EEF1D: variants seen among roughly 807,000 people sequenced by gnomAD.
The protein encoded by EEF1D is eukaryotic translation elongation factor 1 delta, also known as elongation factor 1-delta.
EEF1D carries 47 observed loss-of-function variants against 63.9 expected under a neutral mutation model. The ratio of observed to expected loss-of-function variants is 0.74; its 90% confidence interval spans 0.58 to 0.94. The LOEUF (loss-of-function observed/expected upper bound fraction) is 0.94. EEF1D is among the 40% of genes least tolerant of loss of function. The pLI, the probability that EEF1D is intolerant of heterozygous loss-of-function variation, is 0.00. For synonymous variants in EEF1D, 412 were observed against 386.1 expected, an observed-to-expected ratio of 1.07 and a Z score of -0.79; for missense variants, 907 against 899.0, an observed-to-expected ratio of 1.01 and a Z score of -0.11.
At chr8:143,588,252 C>T (rs1255480859) in intron 3 of EEF1D, among the ~76,000 whole-genome samples, 1 of 152,180 alleles carries the variant, frequency 6.6e-6, no homozygotes, top group African/African-American at 2.4e-5. Flanking sequence ...CAGAGTCCTT[C>T]CCTGACTCAG....
rs34365735 is a variant in EEF1D at position 143,589,678 on chromosome 8, T to C, written c.404A>G (p.Gln135Arg). The C allele has an allele frequency of 5.4e-3, 8,255 of 1,532,090 alleles. 362 individuals carry two copies. The African/African-American group carries it at 0.1, about 19-fold the overall frequency. 94.9% of individuals were successfully genotyped at this position (1,532,090 alleles called of 1,614,324 possible). The change falls in exon 3 of 10, where the codon CAG becomes CGG. Residue 135 changes from glutamine to arginine, a missense_variant. Transcript: ENST00000618139. ...GGCCAAGGCAGGAGGCCAGGCTGCCTGGGCAGCCACATCTGCCAGCTTCTG... is the reference window on the plus strand; with the variant it reads ...GGCCAAGGCAGGAGGCCAGGCTGCCCGGGCAGCCACATCTGCCAGCTTCTG... ...YRQKLADVAA[Q>R]AAWPPALAPW...
intron 2 of EEF1D, among the ~76,000 whole-genome samples, chr8:143,591,724 A>G (rs928324223): frequency 4.6e-5 from 7 of 152,226 alleles, no homozygotes; most frequent in Non-Finnish European, 1.0e-4. Context: ...GTCTGCACCC[A>G]GAGGGAGGCA....
rs1413089255 is a variant in EEF1D, at chr8:143,592,007, G to A, written c.-1+640C>T. ...CTAATGGCACCAACGAGGAACCGGG[G>A]CCCATGGGAGGCCACAGGGCCCATG... On this transcript the variant is annotated intron_variant, in intron 2 of 9. Transcript: ENST00000618139. 1.1e-5 allele frequency: 11 copies of A among 982,188 alleles called. No individual in the cohort carries two copies. The African/African-American group carries it at 1.7e-4, about 16-fold the overall frequency. 60.8% of individuals were successfully genotyped at this position (982,188 alleles called of 1,614,324 possible).
At chr8:143,580,432 G>T in intron 8 of EEF1D, 74 bp downstream of exon 8, 1 of 1,527,194 alleles carries the variant, frequency 6.5e-7, no homozygotes, top group Non-Finnish European at 9.0e-7. Flanking sequence ...GCAGGGGGAG[G>T]GTCACAGGCT....
chr8:143,595,771 T>C (rs7814045), intron 1 of EEF1D, among the ~76,000 whole-genome samples: 121,480 of 152,118 alleles, frequency 0.8, 50,321 homozygotes, highest in Non-Finnish European at 0.92. Flanking sequence ...GCGCAGCCCC[T>C]GTGCCTCCTG....
intron 2 of EEF1D, among the ~76,000 whole-genome samples, chr8:143,591,656 G>A (rs1333830060): frequency 3.3e-5 from 5 of 152,250 alleles, no homozygotes; most frequent in Non-Finnish European, 7.3e-5. Flanking sequence ...GTCTAGTGGA[G>A]CCTGAGGGCA....
At chr8:143,587,842 C>T (rs909845418) in intron 3 of EEF1D, among the ~76,000 whole-genome samples, 6 of 152,210 alleles carry the variant, frequency 3.9e-5, no homozygotes, top group Non-Finnish European at 5.9e-5. Flanking sequence ...ACTCTGTGGC[C>T]GGGGCCCAGA....
chr8:143,581,368 G>A (rs761929103), intron 5 of EEF1D, 40 bp from the exon 6 acceptor site: 1 of 1,564,650 alleles, frequency 6.4e-7, no homozygotes, highest in South Asian at 1.1e-5. Context: ...TGCCCAGCCT[G>A]CTCCTAGGGT....
chr8:143,594,034 T>C (rs775963166), intron 1 of EEF1D: 11 of 468,346 alleles, frequency 2.3e-5, no homozygotes, highest in Non-Finnish European at 2.8e-5. Context: ...GGTCAGCCCC[T>C]TCGCTCCTGC....
intron 1 of EEF1D, 56 bp from the exon 2 acceptor site, chr8:143,592,716 G>A (rs1262447750): frequency 3.2e-5 from 32 of 985,566 alleles, no homozygotes; most frequent in African/African-American, 8.7e-5. Context: ...AAGACTAACC[G>A]GGTCAGACAC....
chr8:143,583,152 G>A (rs1825880958), intron 5 of EEF1D: 2 of 152,220 alleles, frequency 1.3e-5, no homozygotes, highest in Non-Finnish European at 2.9e-5. Context: ...GAAGACATCA[G>A]GACACACACA....
At chr8:143,587,009 G>A (rs1490358398) in intron 3 of EEF1D, 157 bp from the exon 4 acceptor site, 4 of 943,582 alleles carry the variant, frequency 4.2e-6, no homozygotes, top group Non-Finnish European at 6.3e-6. Flanking sequence ...CACCCCACAT[G>A]GCATCCCCAG....
At position 143,581,063 on chromosome 8, in the gene EEF1D, T is replaced by C; in HGVS notation, c.1479A>G (p.Pro493=). The change falls in exon 7 of 10, where the codon CCA becomes CCG. Residue 493 remains proline (P), a synonymous_variant. Coordinates refer to ENST00000618139, the MANE Select transcript of EEF1D (RefSeq NM_001130053.5). Reference sequence around the variant, plus strand: ...TGGGGAGAGCATTCACCTGGGTCTGTGGGGCCGTGGCCCGGTGGCCAGGCG... The same window carrying C: ...TGGGGAGAGCATTCACCTGGGTCTGCGGGGCCGTGGCCCGGTGGCCAGGCG... ...KSSPGHRATA[P]QTQHVSPMRQ... 6.2e-7 allele frequency: 1 copy of C among 1,611,730 alleles called. No homozygotes were observed. Among genetic ancestry groups the C allele is most frequent in the Non-Finnish European group, 8.5e-7 (1 of 1,179,924 alleles).
intron 1 of EEF1D, among the ~76,000 whole-genome samples, chr8:143,595,893 G>C (rs1396118340): frequency 6.6e-6 from 1 of 152,206 alleles, no homozygotes; most frequent in Non-Finnish European, 1.5e-5. Flanking sequence ...CCTGTGGCAG[G>C]CTCCTACACC....
At chr8:143,587,524 T>TTTTAGTGGC in intron 3 of EEF1D, 1 of 152,300 alleles carries the variant, frequency 6.6e-6, no homozygotes, top group Non-Finnish European at 1.5e-5. Flanking sequence ...AGACAAGGTT[T>TTTTAGTGGC]CACCATGTTG....
At chr8:143,588,814 A>C in intron 3 of EEF1D, 177 bp downstream of exon 3, 1 of 856,000 alleles carries the variant, frequency 1.2e-6, no homozygotes, top group Admixed American at 3.0e-5. Context: ...TGGAACCCAC[A>C]AGCGCAGCAC....
chr8:143,580,981 G>C (rs555082064), intron 7 of EEF1D, 73 bp downstream of exon 7: 3 of 1,514,302 alleles, frequency 2.0e-6, no homozygotes, highest in Non-Finnish European at 2.7e-6. Context: ...GCTGGGGCCA[G>C]CCCACAGGGC....
intron 2 of EEF1D, chr8:143,590,521 T>A: frequency 8.6e-7 from 1 of 1,161,928 alleles, no homozygotes; most frequent in African/African-American, 1.6e-5. Flanking sequence ...CCCACCATGG[T>A]GGCTGGTGTT....
rs1410259176 is a variant in EEF1D at position 143,581,036 on chromosome 8, C to T, written c.1488+18G>A. ...CCACGTGGTCCCCTGCAGTGTCAGG[C>T]GTGGGGAGAGCATTCACCTGGGTCT... On this transcript the variant is annotated intron_variant, in intron 7 of 9. Transcript: ENST00000618139. 15 of 1,609,346 alleles carry T rather than the reference C, an allele frequency of 9.3e-6. No individual in the cohort carries two copies. In the African/African-American group the frequency reaches 1.1e-4, roughly 11 times the overall value.
Sources: allele counts gnomAD v4.1 joint callset (sites outside exome capture counted in the v4.1 genomes callset), GRCh38; gene constraint gnomAD v4.1.1; transcripts MANE v1.5; gene names NCBI Gene and HGNC (gene_info 2026-07-23, HGNC 2026-07-21).